Variants in TMEM87A observed in about 807,000 individuals in gnomAD.
TMEM87A encodes Golgi-pH regulating cation channel.
TMEM87A carries 50 observed loss-of-function variants against 90.0 expected under a neutral mutation model. The observed-to-expected ratio is 0.56, with a 90% confidence interval of 0.44 to 0.70. The LOEUF (loss-of-function observed/expected upper bound fraction) is 0.70, where lower values mean the gene tolerates loss of function less well. Ranked by LOEUF, TMEM87A falls within the 30% of genes least tolerant of loss-of-function variation. TMEM87A has a pLI of 0.00. For synonymous variants in TMEM87A, 226 were observed against 226.7 expected (o/e 1.00, Z 0.03); for missense variants, 577 against 660.5 (o/e 0.87, Z 1.39).
At chr15:42,225,429 A>C (rs539517974) in intron 15 of TMEM87A, among the ~76,000 whole-genome samples, 6 of 152,300 alleles carry the variant, frequency 3.9e-5, no homozygotes, top group South Asian at 4.1e-4. Context: ...TGTAAGTTTT[A>C]ATTTTACCCT....
At chr15:42,252,037 G>A (rs993759708) in intron 6 of TMEM87A, among the ~76,000 whole-genome samples, 4 of 152,230 alleles carry the variant, frequency 2.6e-5, no homozygotes, top group Non-Finnish European at 2.9e-5. Flanking sequence ...CTCCGTGGGC[G>A]TGGGACCCGC....
chr15:42,264,294 C>T, intron 3 of TMEM87A, 91 bp from the exon 4 acceptor site: 3 of 793,156 alleles, frequency 3.8e-6, no homozygotes, highest in Non-Finnish European at 4.2e-6. Context: ...ACCTGCAGTA[C>T]AGATACAATT....
At chr15:42,224,938 G>A (rs895016834) in intron 15 of TMEM87A, among the ~76,000 whole-genome samples, 7 of 152,182 alleles carry the variant, frequency 4.6e-5, no homozygotes, top group Non-Finnish European at 1.0e-4. Context: ...ATTTTTTAAT[G>A]ACTGAGGAAG....
At chr15:42,244,189 A>G in intron 6 of TMEM87A, 22 bp from the exon 7 acceptor site, 1 of 1,460,420 alleles carries the variant, frequency 6.8e-7, no homozygotes, top group Non-Finnish European at 9.2e-7. Flanking sequence ...AAAGGGCATC[A>G]CATCTATAAA....
rs1013886628 is a variant in TMEM87A, at chr15:42,258,104, C to G, written c.504+2854G>C. On this transcript the variant is annotated intron_variant, in intron 6 of 19. Transcript: ENST00000389834. Reference sequence around the variant, plus strand: ...CAAGATAATGAAACTCATAAAAGTTCAAGAACAGAGAATTGAACAAATTGC... The same window carrying G: ...CAAGATAATGAAACTCATAAAAGTTGAAGAACAGAGAATTGAACAAATTGC... The G allele has an allele frequency of 3.1e-6, 3 of 978,422 alleles. No individual in the cohort carries two copies. The African/African-American group carries it at 5.3e-5, about 17-fold the overall frequency. 60.6% of individuals were successfully genotyped at this position (978,422 alleles called of 1,614,324 possible). A position where few individuals can be genotyped will look rare whatever the true frequency, so the allele number is the denominator to read the frequency against.
At chr15:42,273,449 G>A, upstream of TMEM87A, 7 of 1,607,870 alleles carry the variant, frequency 4.4e-6, no homozygotes, top group Non-Finnish European at 5.9e-6. Flanking sequence ...CTTCCGGTTC[G>A]TCCCGCCTTC....
chr15:42,256,386 C>T (rs372409178), intron 6 of TMEM87A, among the ~76,000 whole-genome samples: 1 of 152,126 alleles, frequency 6.6e-6, no homozygotes, highest in South Asian at 2.1e-4. Context: ...GTGATTCACC[C>T]ACCTTGGGCC....
At chr15:42,252,134 T>A (rs910543584) in intron 6 of TMEM87A, among the ~76,000 whole-genome samples, 2 of 152,198 alleles carry the variant, frequency 1.3e-5, no homozygotes, top group African/African-American at 2.4e-5. Flanking sequence ...GTGTCCCAGT[T>A]TTCCCAGTAC....
In TMEM87A at chr15:42,273,419, TA is replaced by T. The variant is rs1295210905; in HGVS notation, c.-22del. On this transcript the variant is annotated 5_prime_UTR_variant, in exon 1 of 20. The change abolishes the stop of an existing upstream ORF in the 5' untranslated region. Transcript: ENST00000389834. ...GCCATCTTCACAGCCGTGGAGTGCC[TA>T]CCGAAAGCATTTCACCCTCTTCCGG... 2 of 1,613,360 alleles carry T rather than the reference TA, an allele frequency of 1.2e-6. No individual in the cohort carries two copies. The highest frequency in any genetic ancestry group is 2.2e-5 in the South Asian group (2 of 91,076).
At chr15:42,258,839 G>C in intron 6 of TMEM87A, 1 of 1,488,650 alleles carries the variant, frequency 6.7e-7, no homozygotes, top group Non-Finnish European at 8.9e-7. Flanking sequence ...AACACTTTCA[G>C]AATGGCAGAA....
At chr15:42,236,776 C>T (rs995647043) in intron 9 of TMEM87A, among the ~76,000 whole-genome samples, 2 of 152,182 alleles carry the variant, frequency 1.3e-5, no homozygotes. Context: ...AAGCACAAAA[C>T]ACACTCGTGT....
At chr15:42,217,727 C>T in intron 19 of TMEM87A, 76 bp downstream of exon 19, 1 of 1,434,780 alleles carries the variant, frequency 7.0e-7, no homozygotes, top group Non-Finnish European at 9.7e-7. Flanking sequence ...TAAAGAGAAT[C>T]TCCATGAACA....
chr15:42,268,816 T>C (rs1218773022), intron 2 of TMEM87A, among the ~76,000 whole-genome samples: 2 of 152,068 alleles, frequency 1.3e-5, no homozygotes, highest in African/African-American at 4.8e-5. Context: ...ATAATAAAAT[T>C]AGGAATGCAT....
chr15:42,217,794 A>G lies in TMEM87A; in HGVS notation c.1626+9T>C, dbSNP rs200395840. The G allele has an allele frequency of 8.4e-4, 1,351 of 1,612,048 alleles. 1 individual carries two copies. Among genetic ancestry groups the G allele is most frequent in the Admixed American group, 1.8e-3 (105 of 59,476 alleles). On this transcript the variant is annotated intron_variant, in intron 19 of 19. Transcript: ENST00000389834. ...ATACATAATTTATGCACGTGAATTG[A>G]GTACCAACCTCATCTGAATCCAGAA...
At chr15:42,233,937 A>AT (rs11285848) in intron 10 of TMEM87A, among the ~76,000 whole-genome samples, 11,303 of 139,836 alleles carry the variant, frequency 0.081, 494 homozygotes, top group Middle Eastern at 0.12. Context: ...CACCAGGCTA[A>AT]TTTTTTTTTT....
chr15:42,222,561 ATT>A (rs764911920), intron 15 of TMEM87A, among the ~76,000 whole-genome samples: 3 of 142,966 alleles, frequency 2.1e-5, no homozygotes, highest in Admixed American at 7.0e-5. Context: ...CTTGATTGTG[ATT>A]TTTTTTTTTT....
chr15:42,258,940 T>A, intron 6 of TMEM87A: 1 of 1,145,522 alleles, frequency 8.7e-7, no homozygotes, highest in Non-Finnish European at 1.3e-6. Context: ...TGGAAATTAT[T>A]AAAGTCTTTC....
intron 4 of TMEM87A, among the ~76,000 whole-genome samples, chr15:42,263,067 GAAGT>G (rs1245375674): frequency 1.3e-5 from 2 of 152,116 alleles, no homozygotes; most frequent in Non-Finnish European, 2.9e-5. Context: ...CAGATCTATA[GAAGT>G]AAATTTTAAA....
chr15:42,270,509 T>A (rs1385660026), intron 2 of TMEM87A, among the ~76,000 whole-genome samples: 2 of 152,066 alleles, frequency 1.3e-5, no homozygotes, highest in African/African-American at 2.4e-5. Flanking sequence ...GGCAGGAGAA[T>A]CGCTTGAACC....
Sources: allele counts gnomAD v4.1 joint callset (sites outside exome capture counted in the v4.1 genomes callset), GRCh38; gene constraint gnomAD v4.1.1; transcripts MANE v1.5; gene names NCBI Gene and HGNC (gene_info 2026-07-23, HGNC 2026-07-21).